FGF14: variants seen among roughly 807,000 people sequenced by gnomAD.
FGF14 encodes fibroblast growth factor homologous factor 4.
In FGF14, 5 loss-of-function variants were observed where a neutral mutation model predicts 25.5. The ratio of observed to expected loss-of-function variants is 0.20; its 90% confidence interval spans 0.10 to 0.41. FGF14 has a LOEUF of 0.41. Among genes scored for constraint, FGF14 ranks in the 10% least tolerant of loss-of-function variants. FGF14 has a pLI of 1.00. For missense variants in FGF14, 222 were observed against 320.1 expected (o/e 0.69, Z 2.34); for synonymous variants, 138 against 118.3 (o/e 1.17, Z -1.08).
intron 1 of FGF14, among the ~76,000 whole-genome samples, chr13:102,104,659 G>A (rs1419661703): frequency 6.6e-6 from 1 of 152,122 alleles, no homozygotes; most frequent in Non-Finnish European, 1.5e-5. Context: ...GGTGGTGCAT[G>A]CCTGTAGTCC....
At chr13:102,054,844 A>G (rs932734869) in intron 1 of FGF14, among the ~76,000 whole-genome samples, 1 of 152,168 alleles carries the variant, frequency 6.6e-6, no homozygotes, top group Non-Finnish European at 1.5e-5. Context: ...ATTCATCCCC[A>G]ATATGAAACC....
At chr13:102,346,222 T>C (rs1030908348) in intron 1 of FGF14, among the ~76,000 whole-genome samples, 1 of 152,152 alleles carries the variant, frequency 6.6e-6, no homozygotes, top group African/African-American at 2.4e-5. Context: ...AAAGTAGACC[T>C]AATTTAAAGA....
intron 1 of FGF14, among the ~76,000 whole-genome samples, chr13:102,091,996 G>A (rs1306780221): frequency 2.0e-5 from 3 of 152,154 alleles, no homozygotes; most frequent in Non-Finnish European, 4.4e-5. Context: ...CTGGTGATAA[G>A]TTTATATATA....
chr13:102,172,476 A>G (rs758483882), intron 1 of FGF14, among the ~76,000 whole-genome samples: 1 of 152,084 alleles, frequency 6.6e-6, no homozygotes, highest in Non-Finnish European at 1.5e-5. Flanking sequence ...TAATGTAGTG[A>G]CATACATTTA....
Position 101,916,631 on chromosome 13 carries a change from G to T in FGF14, c.15C>A (p.Ile5=), listed in dbSNP as rs772003315. 20 of 1,574,860 alleles carry T rather than the reference G, an allele frequency of 1.3e-5. No individual in the cohort carries two copies. In the Middle Eastern group the frequency reaches 5.0e-4, roughly 40 times the overall value. The stretch of plus-strand genomic sequence containing the variant: ...GCTTCTGGCGGATCAAGCCGCTAGC[G>T]ATGGCCGCGGCCATGGTGGCCCCGG... MAAA[I]ASGLIRQKRQ... Residue 5 remains isoleucine (I), a synonymous_variant, in exon 1 of 5, where the codon ATC becomes ATA. Transcript: ENST00000376143.
rs148106530 is a variant in FGF14 at position 102,397,451 on chromosome 13, T to C, written c.208+4020A>G. Among the ~76,000 whole-genome samples the C allele has an allele frequency of 3.5e-3, 534 of 152,322 alleles. 2 individuals carry two copies. Among genetic ancestry groups the C allele is most frequent in the African/African-American group, 0.012 (508 of 41,564 alleles). ...GAGAATTGATGGAATGTTCTCAGTG[T>C]GCTGTGCAGAACTAGGTCTAGGGCG... On this transcript the variant is annotated intron_variant, in intron 1 of 4. Transcript: ENST00000376131.
intron 3 of FGF14, among the ~76,000 whole-genome samples, chr13:101,730,077 G>A (rs992585454): frequency 6.6e-6 from 1 of 152,104 alleles, no homozygotes; most frequent in Non-Finnish European, 1.5e-5. Context: ...CATAATAAAG[G>A]GTCTTGAAAA....
At chr13:101,938,202 C>A (rs1196387471) in intron 1 of FGF14, among the ~76,000 whole-genome samples, 1 of 152,140 alleles carries the variant, frequency 6.6e-6, no homozygotes, top group Non-Finnish European at 1.5e-5. Context: ...ATCTTGGAGA[C>A]TAAATCCACT....
At chr13:102,008,013 A>G (rs2039895254) in intron 1 of FGF14, among the ~76,000 whole-genome samples, 1 of 152,224 alleles carries the variant, frequency 6.6e-6, no homozygotes, top group African/African-American at 2.4e-5. Context: ...GGATGAGACC[A>G]GGCTACAGGT....
chr13:102,357,240 G>A (rs990718317), intron 1 of FGF14, among the ~76,000 whole-genome samples: 3 of 151,134 alleles, frequency 2.0e-5, no homozygotes, highest in Admixed American at 6.6e-5. Context: ...TACATCTTAC[G>A]TCCCTCATGG....
rs183816359 is a variant in FGF14 at position 102,118,970 on chromosome 13, A to T, written c.209-243674T>A. On this transcript the variant is annotated intron_variant, in intron 1 of 4. Coordinates refer to the FGF14 transcript ENST00000376131. ...GTTCATTCCCAGCTAATAAATTTAG[A>T]AGAATGATAGACTCCTACAACCCCT... Among the ~76,000 whole-genome samples, 451 of 152,300 alleles carry T rather than the reference A, an allele frequency of 3.0e-3. 2 individuals are homozygous for T. The highest frequency in any genetic ancestry group is 0.01 in the African/African-American group (435 of 41,562).
intron 3 of FGF14, among the ~76,000 whole-genome samples, chr13:101,762,439 T>G (rs965777820): frequency 2.0e-5 from 3 of 152,200 alleles, no homozygotes; most frequent in African/African-American, 7.2e-5. Flanking sequence ...GGGCATTATA[T>G]TCAAGTAAAT....
chr13:101,882,065 C>T (rs957870469), intron 1 of FGF14, among the ~76,000 whole-genome samples: 1 of 151,514 alleles, frequency 6.6e-6, no homozygotes, highest in African/African-American at 2.4e-5. Context: ...TATCTAAATA[C>T]TATTCTTTTT....
chr13:102,141,110 T>A (rs1276618560), intron 1 of FGF14, among the ~76,000 whole-genome samples: 1 of 152,222 alleles, frequency 6.6e-6, no homozygotes, highest in African/African-American at 2.4e-5. Context: ...CTACTAGAAA[T>A]AGACCTACTC....
chr13:102,139,271 G>A (rs369314367), intron 1 of FGF14, among the ~76,000 whole-genome samples: 30 of 152,000 alleles, frequency 2.0e-4, no homozygotes, highest in African/African-American at 6.0e-4. Flanking sequence ...GTGGTAGCAC[G>A]TGCCTGTAAT....
intron 1 of FGF14, among the ~76,000 whole-genome samples, chr13:102,399,648 A>C (rs2058656631): frequency 6.6e-6 from 1 of 152,210 alleles, no homozygotes; most frequent in South Asian, 2.1e-4. Flanking sequence ...TGAATTAGAC[A>C]TGCGGGTGGA....
At chr13:101,898,507 A>G (rs1185176206) in intron 1 of FGF14, among the ~76,000 whole-genome samples, 3 of 152,012 alleles carry the variant, frequency 2.0e-5, no homozygotes, top group Non-Finnish European at 4.4e-5. Flanking sequence ...GCTAGTCAAT[A>G]TTTTTCTTCC....
At chr13:102,229,686 G>T (rs2050990597) in intron 1 of FGF14, among the ~76,000 whole-genome samples, 2 of 152,084 alleles carry the variant, frequency 1.3e-5, no homozygotes. Flanking sequence ...CTACCTCAAG[G>T]CTTCTCAGGC....
rs979517811 is a variant in FGF14, at chr13:102,272,950, T to C, written c.208+128521A>G. Reference sequence around the variant, plus strand: ...CGTAGTTTAATTTAATAAACAAATATATCTCATGAGTTCACAGAAGATTTT... The same window carrying C: ...CGTAGTTTAATTTAATAAACAAATACATCTCATGAGTTCACAGAAGATTTT... On this transcript the variant is annotated intron_variant, in intron 1 of 4. Coordinates refer to the FGF14 transcript ENST00000376131. Among the ~76,000 whole-genome samples the C allele has an allele frequency of 3.9e-5, 6 of 152,168 alleles. No homozygotes were observed. The South Asian group carries it at 1.2e-3, about 32-fold the overall frequency.
Sources: gnomAD v4.1 joint callset for allele counts (sites outside exome capture counted in the v4.1 genomes callset) on GRCh38, gnomAD v4.1.1 for gene constraint, MANE v1.5 for transcripts, NCBI Gene and HGNC (gene_info 2026-07-23, HGNC 2026-07-21) for gene names.